ARSG: variants seen among roughly 807,000 people sequenced by gnomAD.
ARSG encodes the protein ASG.
Under a neutral mutation model 50.5 loss-of-function variants are expected in ARSG, and 37 were observed. The observed-to-expected ratio is 0.73, with a 90% CI of 0.56 to 0.96. The LOEUF (loss-of-function observed/expected upper bound fraction) is 0.96, where lower values mean the gene tolerates loss of function less well. ARSG is among the 50% of genes least tolerant of loss of function. The probability of loss-of-function intolerance (pLI) is 0.00; values close to 1 mark genes in which losing one functional copy is unlikely to be tolerated. For missense variants in ARSG, 629 were observed against 675.3 expected (o/e 0.93, Z 0.76); for synonymous variants, 225 against 254.6 (o/e 0.88, Z 1.11).
intron 11 of ARSG, among the ~76,000 whole-genome samples, chr17:68,405,678 C>T (rs150882053): frequency 9.4e-4 from 143 of 151,946 alleles, no homozygotes; most frequent in African/African-American, 3.2e-3. Context: ...TTTTTCTTGC[C>T]GAATTGCTCT....
At position 68,399,992 on chromosome 17, in the gene ARSG, G is replaced by A. The variant is rs2081404219; in HGVS notation, c.1213-1368G>A. On this transcript the variant is annotated intron_variant, in intron 10 of 11. Transcript: ENST00000621439. The surrounding 1 kb of genome is among the most constrained non-coding windows in gnomAD (Gnocchi z 4.6). Reference sequence around the variant, plus strand: ...CCTGCTATCATCATGCGCGCCCTGGGTTTGTGCAGGGATTGTCACGAGAAC... The same window carrying A: ...CCTGCTATCATCATGCGCGCCCTGGATTTGTGCAGGGATTGTCACGAGAAC... Among the ~76,000 whole-genome samples, 1 of 152,228 alleles carries A rather than the reference G, an allele frequency of 6.6e-6. No homozygotes were observed. Among genetic ancestry groups the A allele is most frequent in the Non-Finnish European group, 1.5e-5 (1 of 68,044 alleles).
intron 1 of ARSG, among the ~76,000 whole-genome samples, chr17:68,294,307 T>G (rs1555757387): frequency 1.3e-5 from 2 of 152,184 alleles, no homozygotes; most frequent in Non-Finnish European, 2.9e-5. Context: ...TTGCATAGGG[T>G]CATTTGCATG....
intron 2 of ARSG, among the ~76,000 whole-genome samples, chr17:68,328,551 C>G (rs2077595370): frequency 6.6e-6 from 1 of 152,140 alleles, no homozygotes; most frequent in East Asian, 1.9e-4. Flanking sequence ...CTCTTATTAT[C>G]CACATATGAC....
intron 6 of ARSG, among the ~76,000 whole-genome samples, chr17:68,357,553 C>T (rs1238281123): frequency 2.0e-5 from 3 of 152,222 alleles, no homozygotes; most frequent in African/African-American, 7.2e-5. Flanking sequence ...CCTGAAAACT[C>T]TCTTTTGCCA....
chr17:68,428,708 C>T, the ARSG span: 1 of 752,438 alleles, frequency 1.3e-6, no homozygotes, highest in Non-Finnish European at 2.2e-6. Context: ...AGGTTTGCCA[C>T]TGAGACTGCC....
intron 5 of ARSG, among the ~76,000 whole-genome samples, chr17:68,353,890 T>A (rs2078911407): frequency 6.6e-6 from 1 of 151,868 alleles, no homozygotes; most frequent in Admixed American, 6.6e-5. Context: ...TTAGTAGAGA[T>A]GGGGTTTCAC....
chr17:68,381,860 A>G lies in ARSG; in HGVS notation c.983-3204A>G, dbSNP rs2080448455. Among the ~76,000 whole-genome samples, 2 of 152,148 alleles carry G rather than the reference A, an allele frequency of 1.3e-5. No homozygotes were observed. The highest frequency in any genetic ancestry group is 2.9e-5 in the Non-Finnish European group (2 of 68,030). ...AAAAGCTCTCCAGTGATTCTAATAC[A>G]TATTCAAAATGGAACCACCTCCCTA... is the stretch of plus-strand genomic sequence containing the variant. On this transcript the variant is annotated intron_variant, in intron 8 of 11. Transcript: ENST00000621439. This position sits in a 1 kb window ranked among gnomAD's most constrained non-coding sequence, Gnocchi z 4.1.
intron 2 of ARSG, among the ~76,000 whole-genome samples, chr17:68,333,245 G>A (rs1017285847): frequency 2.6e-4 from 39 of 152,260 alleles, no homozygotes; most frequent in African/African-American, 8.9e-4. Context: ...TGGCGTGAAC[G>A]TGGGAGGCAG....
chr17:68,345,530 T>C (rs1233971621), intron 3 of ARSG, among the ~76,000 whole-genome samples: 1 of 152,258 alleles, frequency 6.6e-6, no homozygotes, highest in East Asian at 1.9e-4. Flanking sequence ...CACGACACCT[T>C]TTGCACATCC....
intron 8 of ARSG, among the ~76,000 whole-genome samples, chr17:68,374,523 T>G (rs2080045872): frequency 6.6e-6 from 1 of 152,160 alleles, no homozygotes. Context: ...GGATGTGGAC[T>G]GGGACCCCAT....
At chr17:68,428,213 C>T in the ARSG span, 1 of 150,056 alleles carries the variant, frequency 6.7e-6, no homozygotes, top group East Asian at 2.0e-4. Flanking sequence ...CTTTTCAATT[C>T]CATGCAGGGA....
chr17:68,396,638 T>C (rs1386186386), intron 10 of ARSG, among the ~76,000 whole-genome samples: 2 of 152,164 alleles, frequency 1.3e-5, no homozygotes, highest in African/African-American at 2.4e-5. Flanking sequence ...TGGAAGTGAC[T>C]CAAATGTACA....
chr17:68,317,534 C>T (rs139587247), intron 2 of ARSG, among the ~76,000 whole-genome samples: 2 of 151,122 alleles, frequency 1.3e-5, no homozygotes, highest in Middle Eastern at 3.5e-3. Flanking sequence ...TATCAGAGGG[C>T]GTTGTCGTTT....
Position 68,271,036 on chromosome 17 carries a change from GCAAA to G in ARSG, c.-552+11613_-552+11616del. 5 of 1,614,100 alleles carry G rather than the reference GCAAA, an allele frequency of 3.1e-6. No homozygotes were observed. The highest frequency in any genetic ancestry group is 4.2e-6 in the Non-Finnish European group (5 of 1,180,026). On this transcript the variant is annotated intron_variant, in intron 1 of 11. Coordinates refer to the ARSG transcript ENST00000448504. The surrounding 1 kb of genome is among the most constrained non-coding windows in gnomAD (Gnocchi z 5.3). ...CCAGAATTCAGTAGCAAAAGTAAAGGCAAACAGAGACACAGTCAATAAGATGACG... is the reference window on the plus strand; with the variant it reads ...CCAGAATTCAGTAGCAAAAGTAAAGGCAGAGACACAGTCAATAAGATGACG...
intron 1 of ARSG, among the ~76,000 whole-genome samples, chr17:68,292,891 G>T (rs1328572788): frequency 6.6e-6 from 1 of 152,160 alleles, no homozygotes; most frequent in East Asian, 1.9e-4. Context: ...ATTTAACCTC[G>T]TAGAGCGTTA....
chr17:68,317,210 A>G (rs2077100682), intron 2 of ARSG, among the ~76,000 whole-genome samples: 1 of 152,148 alleles, frequency 6.6e-6, no homozygotes, highest in African/African-American at 2.4e-5. Context: ...ATCCCTTTTC[A>G]GACTTCTAAA....
chr17:68,319,528 A>T (rs1555769856), intron 2 of ARSG, among the ~76,000 whole-genome samples: 1 of 152,218 alleles, frequency 6.6e-6, no homozygotes, highest in East Asian at 1.9e-4. Flanking sequence ...AATCTTAGAG[A>T]AAAGAAAAGG....
intron 1 of ARSG, among the ~76,000 whole-genome samples, chr17:68,281,403 C>T (rs1555752770): frequency 6.6e-6 from 1 of 151,800 alleles, no homozygotes; most frequent in Admixed American, 6.6e-5. Flanking sequence ...CCCGTCTCTA[C>T]TAAAAATACA....
At chr17:68,430,698 C>T in the ARSG span, among the ~76,000 whole-genome samples, 1 of 152,170 alleles carries the variant, frequency 6.6e-6, no homozygotes. Flanking sequence ...TGCAAAGGGA[C>T]CTGGGATGTC....
Sources: gnomAD v4.1 joint callset for allele counts (sites outside exome capture counted in the v4.1 genomes callset) on GRCh38, gnomAD v4.1.1 for gene constraint, Gnocchi (gnomAD v3.1) non-coding constraint, MANE v1.5 for transcripts, NCBI Gene and HGNC (gene_info 2026-07-23, HGNC 2026-07-21) for gene names.